SEMA4D: variants seen among roughly 807,000 people sequenced by gnomAD.
SEMA4D encodes semaphorin-4D.
In SEMA4D, 22 loss-of-function variants were observed where a neutral mutation model predicts 74.8. That is an observed-to-expected ratio of 0.29 (90% CI 0.21 to 0.42). SEMA4D has a LOEUF of 0.42. Ranked by LOEUF, SEMA4D falls within the 10% of genes least tolerant of loss-of-function variation. The pLI is 1.00. For missense variants in SEMA4D, 937 were observed against 1,118.4 expected, an observed-to-expected ratio of 0.84 and a Z score of 2.31; for synonymous variants, 445 against 463.7, an observed-to-expected ratio of 0.96 and a Z score of 0.52.
chr9:89,452,566 C>G (rs1456883876), intron 2 of SEMA4D, among the ~76,000 whole-genome samples: 1 of 152,210 alleles, frequency 6.6e-6, no homozygotes, highest in African/African-American at 2.4e-5. Context: ...ATTCTCCTAT[C>G]TCAGCCTCCA....
intron 2 of SEMA4D, among the ~76,000 whole-genome samples, chr9:89,413,418 G>A (rs1182941827): frequency 6.6e-6 from 1 of 152,234 alleles, no homozygotes; most frequent in East Asian, 1.9e-4. Context: ...ATACATGTCT[G>A]CGTGTATGTA....
Position 89,386,501 on chromosome 9 carries a change from A to G in SEMA4D, c.1331-19T>C. 2 of 1,582,184 alleles carry G rather than the reference A, an allele frequency of 1.3e-6. No individual in the cohort carries two copies. The highest frequency in any genetic ancestry group is 1.7e-6 in the Non-Finnish European group (2 of 1,151,290). ...CCCCGGTCTGCAGGGCCAAAGCTAC[A>G]GGTCAGTGACACTAACCCAGACACA... On this transcript the variant is annotated intron_variant, in intron 12 of 15. Coordinates refer to ENST00000422704, the MANE Select transcript of SEMA4D (RefSeq NM_001371194.2).
chr9:89,480,162 T>C (rs59923005), intron 1 of SEMA4D, among the ~76,000 whole-genome samples: 15,783 of 151,426 alleles, frequency 0.1, 873 homozygotes, highest in Middle Eastern at 0.16. Flanking sequence ...TGCTGATTGG[T>C]GTATTTACAA....
chr9:89,465,661 T>C (rs1004432626), intron 1 of SEMA4D, among the ~76,000 whole-genome samples: 1 of 152,222 alleles, frequency 6.6e-6, no homozygotes, highest in African/African-American at 2.4e-5. Flanking sequence ...TAAAAGAATA[T>C]TGACATGAAT....
intron 1 of SEMA4D, among the ~76,000 whole-genome samples, chr9:89,476,584 T>C (rs932416977): frequency 9.2e-5 from 14 of 152,178 alleles, no homozygotes; most frequent in African/African-American, 3.1e-4. Flanking sequence ...AGCCTTCCAT[T>C]GAGCTGCAAT....
At chr9:89,496,575 C>A (rs1362921259) in intron 1 of SEMA4D, among the ~76,000 whole-genome samples, 1 of 152,210 alleles carries the variant, frequency 6.6e-6, no homozygotes, top group Non-Finnish European at 1.5e-5. Flanking sequence ...CCACCCCAGC[C>A]TCCCTGGTGG....
chr9:89,422,900 A>C (rs1416257037), intron 2 of SEMA4D, among the ~76,000 whole-genome samples: 1 of 152,244 alleles, frequency 6.6e-6, no homozygotes, highest in Non-Finnish European at 1.5e-5. Flanking sequence ...TACAGAAGAC[A>C]CAAGTGCTGG....
rs2132739433 is a variant in SEMA4D, at chr9:89,381,463, C to T, written c.1447-117G>A. On this transcript the variant is annotated intron_variant, in intron 13 of 15. Coordinates refer to ENST00000422704, the MANE Select transcript of SEMA4D (RefSeq NM_001371194.2). The surrounding 1 kb of genome is among the most constrained non-coding windows in gnomAD (Gnocchi z 4.6). ...CAGAGTGTACCTTCAGGGGACATTG[C>T]AGTAAGGAGGAGAGGTACTCAGAAC... 9.9e-7 allele frequency: 1 copy of T among 1,015,132 alleles called. No homozygotes were observed. Among genetic ancestry groups the T allele is most frequent in the Non-Finnish European group, 1.4e-6 (1 of 716,232 alleles). 62.9% of individuals were successfully genotyped at this position (1,015,132 alleles called of 1,614,324 possible). A position where few individuals can be genotyped will look rare whatever the true frequency, so the allele number is the denominator to read the frequency against.
At chr9:89,445,090 C>G (rs1167719756) in intron 2 of SEMA4D, among the ~76,000 whole-genome samples, 1 of 152,198 alleles carries the variant, frequency 6.6e-6, no homozygotes, top group African/African-American at 2.4e-5. Flanking sequence ...CCCTTGAAGA[C>G]TGACAAGTCA....
intron 18 of SEMA4D, among the ~76,000 whole-genome samples, chr9:89,362,599 C>G (rs1459709702): frequency 6.6e-6 from 1 of 152,226 alleles, no homozygotes; most frequent in Non-Finnish European, 1.5e-5. Flanking sequence ...GTGGTTCTCC[C>G]ATATGTGACA....
downstream of SEMA4D, among the ~76,000 whole-genome samples, chr9:89,373,965 C>T (rs2132533052): frequency 6.6e-6 from 1 of 152,330 alleles, no homozygotes. Flanking sequence ...AGCCACAGCC[C>T]CTCTGAGTTC....
At chr9:89,465,315 A>AG (rs1858399781) in intron 1 of SEMA4D, among the ~76,000 whole-genome samples, 1 of 152,252 alleles carries the variant, frequency 6.6e-6, no homozygotes, top group Non-Finnish European at 1.5e-5. Flanking sequence ...CACTCAGCCC[A>AG]GGGGTGATGG....
intron 16 of SEMA4D, among the ~76,000 whole-genome samples, chr9:89,366,212 A>T (rs114271134): frequency 6.9e-4 from 105 of 152,356 alleles, no homozygotes; most frequent in African/African-American, 2.4e-3. Context: ...CCATGTATAC[A>T]TGTGTGAACG....
intron 1 of SEMA4D, among the ~76,000 whole-genome samples, chr9:89,479,099 G>A (rs73490216): frequency 0.011 from 1,654 of 152,312 alleles, 32 homozygotes; most frequent in African/African-American, 0.036. Flanking sequence ...ATGGCTGCCT[G>A]TGGAGCTTGG....
chr9:89,369,165 CAA>C (rs1414214163), intron 16 of SEMA4D: 8 of 152,202 alleles, frequency 5.3e-5, no homozygotes, highest in Non-Finnish European at 8.8e-5. Context: ...GAGTCTGAAA[CAA>C]AGGGAAATGT....
intron 1 of SEMA4D, among the ~76,000 whole-genome samples, chr9:89,470,352 A>T (rs1487896322): frequency 2.6e-5 from 4 of 152,250 alleles, no homozygotes; most frequent in African/African-American, 9.6e-5. Flanking sequence ...ACCAAAGAGG[A>T]TACACAGATG....
chr9:89,405,552 G>T lies in SEMA4D; in HGVS notation c.-96C>A. The T allele has an allele frequency of 6.5e-7, 1 of 1,541,010 alleles. No individual in the cohort carries two copies. ...TTGCAGATGCGGCTCAGCGCCCCAG[G>T]ACCAGGGCCAGCAGCACAGCCTGGA... is the stretch of plus-strand genomic sequence containing the variant. On this transcript the variant is annotated 5_prime_UTR_variant, in exon 3 of 16. Coordinates refer to ENST00000422704, the MANE Select transcript of SEMA4D (RefSeq NM_001371194.2).
chr9:89,457,850 G>C (rs948028292), intron 1 of SEMA4D, among the ~76,000 whole-genome samples: 1 of 151,482 alleles, frequency 6.6e-6, no homozygotes, highest in East Asian at 1.9e-4. Flanking sequence ...TAGCTAACAC[G>C]GTGAAACCCC....
At position 89,490,685 on chromosome 9, in the gene SEMA4D, A is replaced by C. The variant is rs867103057; in HGVS notation, c.-310+7234T>G. Among the ~76,000 whole-genome samples the C allele has an allele frequency of 1.2e-4, 18 of 152,334 alleles. 1 individual carries two copies. The highest frequency in any genetic ancestry group is 3.1e-4 in the African/African-American group (13 of 41,556). ...TTTTGACTTAGGATATCTTCAACTTAATGATGGGTTTATGATTAGGATGTA... is the reference window on the plus strand; with the variant it reads ...TTTTGACTTAGGATATCTTCAACTTCATGATGGGTTTATGATTAGGATGTA... On this transcript the variant is annotated intron_variant, in intron 1 of 15. Coordinates refer to ENST00000422704, the MANE Select transcript of SEMA4D (RefSeq NM_001371194.2).
Sources: gnomAD v4.1 joint callset for allele counts (sites outside exome capture counted in the v4.1 genomes callset) on GRCh38, gnomAD v4.1.1 for gene constraint, Gnocchi (gnomAD v3.1) non-coding constraint, MANE v1.5 for transcripts, NCBI Gene and HGNC (gene_info 2026-07-23, HGNC 2026-07-21) for gene names.